The following TMEM132D variants were observed in gnomAD, a reference collection of about 807,000 sequenced individuals.
TMEM132D encodes transmembrane protein 132D, also known as mature OL transmembrane protein.
TMEM132D carries 21 observed loss-of-function variants against 62.3 expected under a neutral mutation model. The ratio of observed to expected loss-of-function variants is 0.34; its 90% CI spans 0.24 to 0.49. The LOEUF is 0.49. TMEM132D is among the 20% of genes least tolerant of loss of function. The pLI, the probability that TMEM132D is intolerant of heterozygous loss-of-function variation, is 0.99. For synonymous variants in TMEM132D, 621 were observed against 575.6 expected, an observed-to-expected ratio of 1.08 and a Z score of -1.13; for missense variants, 1,346 against 1,402.8, an observed-to-expected ratio of 0.96 and a Z score of 0.65.
At chr12:129,260,418 A>T (rs1593314752) in intron 4 of TMEM132D, among the ~76,000 whole-genome samples, 1 of 152,342 alleles carries the variant, frequency 6.6e-6, no homozygotes, top group Non-Finnish European at 1.5e-5. Flanking sequence ...ACAGAGAAGA[A>T]CATGAGAGCT....
At chr12:129,461,612 G>C (rs1360924988) in intron 3 of TMEM132D, among the ~76,000 whole-genome samples, 1 of 151,936 alleles carries the variant, frequency 6.6e-6, no homozygotes, top group Non-Finnish European at 1.5e-5. Flanking sequence ...TGGAAGACTA[G>C]AGAAGCTGAA....
At chr12:129,479,440 C>T (rs965857070) in intron 3 of TMEM132D, among the ~76,000 whole-genome samples, 5 of 152,078 alleles carry the variant, frequency 3.3e-5, no homozygotes, top group African/African-American at 7.2e-5. Flanking sequence ...TGGCTGCACA[C>T]GGCTGGCCTT....
chr12:129,356,698 A>AAAT (rs1275468689), intron 3 of TMEM132D, among the ~76,000 whole-genome samples: 1 of 140,670 alleles, frequency 7.1e-6, no homozygotes, highest in Non-Finnish European at 1.6e-5. Context: ...ATAAATAAAT[A>AAAT]AAATAAAAAT....
At chr12:129,616,352 G>A (rs1227238328) in intron 2 of TMEM132D, among the ~76,000 whole-genome samples, 1 of 152,146 alleles carries the variant, frequency 6.6e-6, no homozygotes, top group Non-Finnish European at 1.5e-5. Flanking sequence ...ATCGGGAGAG[G>A]GACACCATGA....
intron 4 of TMEM132D, among the ~76,000 whole-genome samples, chr12:129,212,964 C>A (rs1461466353): frequency 6.6e-6 from 1 of 152,134 alleles, no homozygotes; most frequent in East Asian, 1.9e-4. Context: ...TTAGTTTGAG[C>A]CAGCCTGGAA....
chr12:129,892,588 CT>C (rs1874962666), intron 1 of TMEM132D, among the ~76,000 whole-genome samples: 1 of 152,096 alleles, frequency 6.6e-6, no homozygotes, highest in South Asian at 2.1e-4. Context: ...CATAAATGCA[CT>C]TGCATAACTG....
intron 4 of TMEM132D, among the ~76,000 whole-genome samples, chr12:129,337,185 G>C (rs1869309689): frequency 1.3e-5 from 2 of 152,050 alleles, no homozygotes; most frequent in Non-Finnish European, 2.9e-5. Flanking sequence ...TCTAATTGGT[G>C]GTCTGGGGGA....
At chr12:129,307,470 C>T (rs1170320792) in intron 4 of TMEM132D, among the ~76,000 whole-genome samples, 4 of 152,074 alleles carry the variant, frequency 2.6e-5, no homozygotes, top group African/African-American at 9.7e-5. Context: ...GAGTTTAAAA[C>T]CTTAGCCCTT....
rs144194353 is a variant in TMEM132D at position 129,130,849 on chromosome 12, G to C, written c.1444-46147C>G. Among the ~76,000 whole-genome samples, 9 of 152,324 alleles carry C rather than the reference G, an allele frequency of 5.9e-5. No homozygotes were observed. The East Asian group carries it at 1.7e-3, about 29-fold the overall frequency. On this transcript the variant is annotated intron_variant, in intron 5 of 8. Coordinates refer to ENST00000422113, the MANE Select transcript of TMEM132D (RefSeq NM_133448.3). Reference sequence around the variant, plus strand: ...TTATACCAATGCATGCTTCGATGCTGACCAAAAATAAGATTATGTAGTAGC... The same window carrying C: ...TTATACCAATGCATGCTTCGATGCTCACCAAAAATAAGATTATGTAGTAGC...
At chr12:129,434,063 T>TC (rs1872728913) in intron 3 of TMEM132D, among the ~76,000 whole-genome samples, 1 of 152,182 alleles carries the variant, frequency 6.6e-6, no homozygotes, top group African/African-American at 2.4e-5. Context: ...GGAACGTCAT[T>TC]CCTCATATTA....
chr12:129,120,650 G>A (rs759033958), intron 5 of TMEM132D, among the ~76,000 whole-genome samples: 12 of 152,168 alleles, frequency 7.9e-5, no homozygotes, highest in Admixed American at 7.9e-4. Context: ...TGAAAAACCA[G>A]CCTGTGGTTT....
chr12:129,102,518 GCA>G (rs1001137970), intron 5 of TMEM132D, among the ~76,000 whole-genome samples: 12 of 147,914 alleles, frequency 8.1e-5, no homozygotes, highest in East Asian at 2.0e-4. Flanking sequence ...ACGCACACAC[GCA>G]CACACACAAC....
chr12:129,121,833 A>G (rs539766400), intron 5 of TMEM132D, among the ~76,000 whole-genome samples: 5 of 152,282 alleles, frequency 3.3e-5, no homozygotes, highest in South Asian at 2.1e-4. Flanking sequence ...TAGAGATAAA[A>G]TAGTTTGATA....
At chr12:129,472,633 G>T (rs968866139) in intron 3 of TMEM132D, among the ~76,000 whole-genome samples, 1 of 152,088 alleles carries the variant, frequency 6.6e-6, no homozygotes, top group Non-Finnish European at 1.5e-5. Context: ...ATCAAAAAGA[G>T]GACCTGTTTC....
At chr12:129,718,507 C>T (rs904364446) in intron 1 of TMEM132D, among the ~76,000 whole-genome samples, 1 of 152,192 alleles carries the variant, frequency 6.6e-6, no homozygotes, top group Admixed American at 6.5e-5. Flanking sequence ...TCTGATGTAG[C>T]TTCACACGTT....
chr12:129,794,244 A>T (rs1161967767), intron 1 of TMEM132D, among the ~76,000 whole-genome samples: 1 of 137,410 alleles, frequency 7.3e-6, no homozygotes, highest in African/African-American at 2.7e-5. Context: ...GTGCACCACC[A>T]TGCCCAGCAT....
rs147809360 is a variant in TMEM132D at position 129,823,983 on chromosome 12, G to A, written c.79+79278C>T. On this transcript the variant is annotated intron_variant, in intron 1 of 8. Coordinates refer to ENST00000422113, the MANE Select transcript of TMEM132D (RefSeq NM_133448.3). ...GAGCCAGGCGTTGATGTAGGAAAGT[G>A]CTTCTCATCGGTGAAGTCATCCCAT... 2.4e-3 allele frequency among the ~76,000 whole-genome samples: 365 copies of A among 152,262 alleles called. 4 individuals carry two copies. The highest frequency in any genetic ancestry group is 0.01 in the Middle Eastern group (3 of 292).
At chr12:129,326,959 T>C (rs1443627799) in intron 4 of TMEM132D, among the ~76,000 whole-genome samples, 3 of 152,162 alleles carry the variant, frequency 2.0e-5, no homozygotes, top group Non-Finnish European at 4.4e-5. Context: ...CTCAGATACT[T>C]GCGCCTCTAT....
chr12:129,842,138 T>C (rs1188059830), intron 1 of TMEM132D, among the ~76,000 whole-genome samples: 1 of 129,000 alleles, frequency 7.8e-6, no homozygotes, highest in Non-Finnish European at 1.6e-5. Flanking sequence ...TTAGTAGAGA[T>C]GGGGTTTCAC....
Sources: allele counts gnomAD v4.1 joint callset (sites outside exome capture counted in the v4.1 genomes callset), GRCh38; gene constraint gnomAD v4.1.1; transcripts MANE v1.5; gene names NCBI Gene and HGNC (gene_info 2026-07-23, HGNC 2026-07-21).